Variants in CDH18 observed in about 807,000 individuals in gnomAD.
CDH18 encodes cadherin-18.
A neutral mutation model predicts 67.9 loss-of-function variants in CDH18; 31 were observed. That is an observed-to-expected ratio of 0.46 (90% CI 0.34 to 0.62). The LOEUF is 0.62. Ranked by LOEUF, CDH18 falls within the 20% of genes least tolerant of loss-of-function variation. The pLI, the probability that CDH18 is intolerant of heterozygous loss-of-function variation, is 0.01. For synonymous variants in CDH18, 362 were observed against 347.2 expected, an observed-to-expected ratio of 1.04 and a Z score of -0.48; for missense variants, 890 against 975.5, an observed-to-expected ratio of 0.91 and a Z score of 1.17.
At chr5:19,508,865 C>CTT (rs35438564) in intron 10 of CDH18, among the ~76,000 whole-genome samples, 58 of 127,580 alleles carry the variant, frequency 4.5e-4, no homozygotes, top group Non-Finnish European at 7.6e-4. Context: ...TCTTTCTTTT[C>CTT]TTTTTTTTTT....
intron 3 of CDH18, among the ~76,000 whole-genome samples, chr5:19,772,037 A>T (rs979434547): frequency 1.3e-5 from 2 of 152,176 alleles, no homozygotes; most frequent in African/African-American, 2.4e-5. Context: ...TCCATTCTAT[A>T]TGTTTTTGGG....
At chr5:19,526,167 A>G (rs1747724321) in intron 9 of CDH18, among the ~76,000 whole-genome samples, 1 of 152,168 alleles carries the variant, frequency 6.6e-6, no homozygotes, top group Non-Finnish European at 1.5e-5. Context: ...ATTAACGGTA[A>G]CTATGTCAAC....
At chr5:19,566,266 C>G (rs1740379063) in intron 8 of CDH18, among the ~76,000 whole-genome samples, 1 of 152,140 alleles carries the variant, frequency 6.6e-6, no homozygotes, top group African/African-American at 2.4e-5. Context: ...ACCCCCATAT[C>G]CTGTTGGTGG....
At chr5:19,981,003 T>C (rs1798976065) in intron 2 of CDH18, 57 bp downstream of exon 2, 1 of 152,176 alleles carries the variant, frequency 6.6e-6, no homozygotes, top group African/African-American at 2.4e-5. Flanking sequence ...CAGACTTATA[T>C]CTTAAGCAGT....
At chr5:20,427,924 G>A (rs1206742958) in intron 1 of CDH18, among the ~76,000 whole-genome samples, 1 of 151,060 alleles carries the variant, frequency 6.6e-6, no homozygotes, top group Non-Finnish European at 1.5e-5. Context: ...GACCCAACGT[G>A]TTTGTTTTTT....
intron 2 of CDH18, among the ~76,000 whole-genome samples, chr5:19,882,259 C>T (rs1787737229): frequency 6.6e-6 from 1 of 151,944 alleles, no homozygotes; most frequent in African/African-American, 2.4e-5. Context: ...ATTACTTCAC[C>T]TAGAAAATAT....
intron 3 of CDH18, among the ~76,000 whole-genome samples, chr5:19,810,150 T>A (rs1354625762): frequency 2.6e-5 from 4 of 151,882 alleles, no homozygotes; most frequent in Non-Finnish European, 5.9e-5. Context: ...GCCAACATGG[T>A]GAAACCCCAT....
intron 5 of CDH18, among the ~76,000 whole-genome samples, chr5:19,689,160 C>T (rs370582072): frequency 6.3e-4 from 96 of 152,022 alleles, no homozygotes; most frequent in African/African-American, 2.3e-3. Flanking sequence ...ATTTAGATAT[C>T]CAGAAGTAGT....
intron 3 of CDH18, among the ~76,000 whole-genome samples, chr5:19,785,950 A>G (rs1475675098): frequency 1.3e-5 from 2 of 151,638 alleles, no homozygotes; most frequent in African/African-American, 2.4e-5. Context: ...ACTGATTAAA[A>G]AGAGACAAGG....
rs530007322 is a variant in CDH18, at chr5:19,660,277, T to C, written c.644-47676A>G. Among the ~76,000 whole-genome samples, 96 of 152,282 alleles carry C rather than the reference T, an allele frequency of 6.3e-4. No individual in the cohort carries two copies. In the Middle Eastern group the frequency reaches 0.014, roughly 22 times the overall value. On this transcript the variant is annotated intron_variant, in intron 5 of 12. Coordinates refer to ENST00000382275, the MANE Select transcript of CDH18 (RefSeq NM_004934.5). ...GTGAACGTTCAACTCTTTCAGTTTC[T>C]ATAAGTAGTTTTAAAATGTAACTAA... is the stretch of plus-strand genomic sequence containing the variant.
At chr5:19,645,221 T>C (rs1754567192) in intron 5 of CDH18, among the ~76,000 whole-genome samples, 1 of 152,184 alleles carries the variant, frequency 6.6e-6, no homozygotes, top group Non-Finnish European at 1.5e-5. Context: ...TTGATTCAGT[T>C]TGAATATTAT....
chr5:20,570,430 C>T (rs909670029), intron 1 of CDH18, among the ~76,000 whole-genome samples: 3 of 152,106 alleles, frequency 2.0e-5, no homozygotes, highest in African/African-American at 7.2e-5. Context: ...GTTCGCTATA[C>T]ATAATGCCTC....
At chr5:20,449,763 C>A (rs1165193071) in intron 1 of CDH18, among the ~76,000 whole-genome samples, 1 of 151,744 alleles carries the variant, frequency 6.6e-6, no homozygotes, top group Non-Finnish European at 1.5e-5. Flanking sequence ...CTATAAAGTA[C>A]TCCTGTAAAG....
chr5:19,930,540 A>G (rs1256641191), intron 2 of CDH18, among the ~76,000 whole-genome samples: 4 of 152,088 alleles, frequency 2.6e-5, no homozygotes. Flanking sequence ...TTCTACAATC[A>G]TATCAATCAA....
At chr5:20,184,219 G>T (rs147992234) in intron 2 of CDH18, among the ~76,000 whole-genome samples, 1 of 151,912 alleles carries the variant, frequency 6.6e-6, no homozygotes, top group East Asian at 1.9e-4. Context: ...ATATTTTAAG[G>T]CACAGGCACT....
Position 19,515,288 on chromosome 5 carries a change from C to T in CDH18, c.1512+5369G>A, listed in dbSNP as rs1355161731. 3.3e-5 allele frequency among the ~76,000 whole-genome samples: 5 copies of T among 152,270 alleles called. No homozygotes were observed. In the East Asian group the frequency reaches 9.7e-4, roughly 29 times the overall value. ...TTGAAGTCAGGTAGCGTGATGCCTC[C>T]AGCTTTGTTCTTTTTGCTTAGGATT... On this transcript the variant is annotated intron_variant, in intron 10 of 12. Transcript: ENST00000382275.
At chr5:19,829,354 T>C (rs1780771938) in intron 3 of CDH18, among the ~76,000 whole-genome samples, 1 of 152,134 alleles carries the variant, frequency 6.6e-6, no homozygotes, top group Non-Finnish European at 1.5e-5. Flanking sequence ...GATAAACAAC[T>C]TAAGCAAAAT....
At chr5:20,373,414 C>T (rs1188396088) in intron 1 of CDH18, among the ~76,000 whole-genome samples, 3 of 152,140 alleles carry the variant, frequency 2.0e-5, no homozygotes, top group African/African-American at 7.2e-5. Context: ...ACACCCATCA[C>T]TGTACCAAGA....
chr5:20,097,747 T>G (rs1358590396), intron 2 of CDH18, among the ~76,000 whole-genome samples: 1 of 152,200 alleles, frequency 6.6e-6, no homozygotes, highest in African/African-American at 2.4e-5. Context: ...GTAATAATAT[T>G]TGATAGTCAC....
Sources: allele counts gnomAD v4.1 joint callset (sites outside exome capture counted in the v4.1 genomes callset), GRCh38; gene constraint gnomAD v4.1.1; transcripts MANE v1.5; gene names NCBI Gene and HGNC (gene_info 2026-07-23, HGNC 2026-07-21).